ADGRL3: variants seen among roughly 807,000 people sequenced by gnomAD.
The protein encoded by ADGRL3 is adhesion G protein-coupled receptor L3.
A neutral mutation model predicts 153.5 loss-of-function variants in ADGRL3; 62 were observed. The ratio of observed to expected loss-of-function variants is 0.40; its 90% CI spans 0.33 to 0.50. The LOEUF (loss-of-function observed/expected upper bound fraction) is 0.50. Among genes scored for constraint, ADGRL3 ranks in the 20% least tolerant of loss-of-function variants. The pLI is 0.47. For missense variants in ADGRL3, 1,641 were observed against 1,859.4 expected (o/e 0.88, Z 2.16); for synonymous variants, 710 against 672.5 (o/e 1.06, Z -0.86).
intron 9 of ADGRL3, among the ~76,000 whole-genome samples, chr4:61,831,029 C>T (rs1039793454): frequency 1.8e-4 from 27 of 152,088 alleles, no homozygotes; most frequent in Admixed American, 3.3e-4. Flanking sequence ...GCTGGGATTA[C>T]AGGCACCTGC....
At chr4:61,927,893 A>G (rs1214423904) in intron 13 of ADGRL3, among the ~76,000 whole-genome samples, 1 of 151,918 alleles carries the variant, frequency 6.6e-6, no homozygotes, top group Non-Finnish European at 1.5e-5. Context: ...TACTATTTTC[A>G]TCTGTCTATC....
chr4:61,439,464 A>G (rs953909952), intron 2 of ADGRL3, among the ~76,000 whole-genome samples: 5 of 152,174 alleles, frequency 3.3e-5, no homozygotes, highest in Non-Finnish European at 5.9e-5. Context: ...TGATGTTTTT[A>G]TTATTATACG....
chr4:61,930,740 T>C (rs1246636838), intron 13 of ADGRL3, among the ~76,000 whole-genome samples: 2 of 152,104 alleles, frequency 1.3e-5, no homozygotes, highest in African/African-American at 4.8e-5. Flanking sequence ...GACTTTTGGC[T>C]CTTTCCCATT....
Position 61,642,373 on chromosome 4 carries a change from C to T in ADGRL3, c.474-34453C>T, listed in dbSNP as rs2093722429. Among the ~76,000 whole-genome samples, 8 of 152,122 alleles carry T rather than the reference C, an allele frequency of 5.3e-5. No individual in the cohort carries two copies. The South Asian group carries it at 1.7e-3, about 32-fold the overall frequency. ...ATGAAGTCCTTGCCCATGCCTATGT[C>T]CTGAATGGTAATGCCTAGGTTTTCT... On this transcript the variant is annotated intron_variant, in intron 5 of 26. Transcript: ENST00000683033.
intron 4 of ADGRL3, among the ~76,000 whole-genome samples, chr4:61,564,518 C>T (rs72614740): frequency 0.036 from 5,451 of 152,284 alleles, 237 homozygotes; most frequent in East Asian, 0.25. Flanking sequence ...AGCAGTCTGG[C>T]TGCTTTGGCC....
chr4:61,745,372 C>A (rs1561166614), intron 8 of ADGRL3, among the ~76,000 whole-genome samples: 1 of 152,066 alleles, frequency 6.6e-6, no homozygotes, highest in Non-Finnish European at 1.5e-5. Context: ...CACAAAGATA[C>A]TCCTCGAGAA....
At chr4:62,058,460 T>C (rs1235339129) in intron 25 of ADGRL3, among the ~76,000 whole-genome samples, 4 of 152,164 alleles carry the variant, frequency 2.6e-5, no homozygotes, top group Non-Finnish European at 5.9e-5. Context: ...TTCACGTACA[T>C]TTTTCATTAC....
intron 3 of ADGRL3, among the ~76,000 whole-genome samples, chr4:61,497,603 T>C (rs541395275): frequency 3.0e-4 from 45 of 150,030 alleles, no homozygotes; most frequent in Non-Finnish European, 2.8e-4. Flanking sequence ...GCAACCTCTG[T>C]CTCCTGGGTT....
At chr4:61,568,686 T>G (rs1258483228) in intron 4 of ADGRL3, among the ~76,000 whole-genome samples, 1 of 152,174 alleles carries the variant, frequency 6.6e-6, no homozygotes, top group East Asian at 1.9e-4. Flanking sequence ...TGGTCTTTTT[T>G]TCAGTCTTCA....
In ADGRL3 at chr4:61,288,718, T is replaced by C. The variant is rs184309046; in HGVS notation, c.-240+86953T>C. 2.6e-3 allele frequency among the ~76,000 whole-genome samples: 395 copies of C among 152,124 alleles called. 2 individuals carry two copies. Among genetic ancestry groups the C allele is most frequent in the Admixed American group, 4.9e-3 (75 of 15,234 alleles). On this transcript the variant is annotated intron_variant, in intron 1 of 26. Coordinates refer to ENST00000683033, the MANE Select transcript of ADGRL3 (RefSeq NM_001387552.1). ...ATGGCCAATGTTTCCCAAAACTGTT[T>C]AAAGTAAATAAGAGATAGCTCCCTT...
At chr4:61,637,277 G>A (rs187486311) in intron 5 of ADGRL3, among the ~76,000 whole-genome samples, 8 of 152,212 alleles carry the variant, frequency 5.3e-5, no homozygotes, top group Non-Finnish European at 1.2e-4. Flanking sequence ...ACACAGGCAT[G>A]CACACACACA....
chr4:61,346,021 G>A (rs1029829760), intron 1 of ADGRL3, among the ~76,000 whole-genome samples: 7 of 152,076 alleles, frequency 4.6e-5, no homozygotes, highest in Non-Finnish European at 1.0e-4. Context: ...TAGTACATTC[G>A]AGGCCCAGCT....
intron 3 of ADGRL3, among the ~76,000 whole-genome samples, chr4:61,507,944 G>A (rs1029204546): frequency 6.6e-5 from 10 of 152,090 alleles, no homozygotes; most frequent in African/African-American, 2.4e-4. Flanking sequence ...CATTCTGAAA[G>A]TATAGTTGCC....
At chr4:62,008,708 T>C (rs1349388884) in intron 21 of ADGRL3, among the ~76,000 whole-genome samples, 2 of 151,452 alleles carry the variant, frequency 1.3e-5, no homozygotes, top group African/African-American at 2.4e-5. Context: ...AATCTATTTA[T>C]ATCTATATGT....
At chr4:61,976,661 A>G (rs2099049192) in intron 17 of ADGRL3, among the ~76,000 whole-genome samples, 1 of 152,138 alleles carries the variant, frequency 6.6e-6, no homozygotes, top group Non-Finnish European at 1.5e-5. Context: ...ATTAAGTCTC[A>G]TGAGATCTGA....
At chr4:61,728,613 A>G (rs1208451043) in intron 6 of ADGRL3, among the ~76,000 whole-genome samples, 1 of 152,098 alleles carries the variant, frequency 6.6e-6, no homozygotes, top group African/African-American at 2.4e-5. Context: ...CTAAAGTTCC[A>G]TGAACGAGCA....
At chr4:61,549,792 A>G (rs1256597438) in intron 4 of ADGRL3, among the ~76,000 whole-genome samples, 1 of 152,038 alleles carries the variant, frequency 6.6e-6, no homozygotes. Context: ...AACTAAATTA[A>G]TATAACTTCC....
At position 61,647,891 on chromosome 4, in the gene ADGRL3, A is replaced by G. The variant is rs556507195; in HGVS notation, c.474-28935A>G. On this transcript the variant is annotated intron_variant, in intron 5 of 26. Transcript: ENST00000683033. ...GGCCTCTCAGATATTGGATATTACT[A>G]TATTTAAAAGGAAGATTGTAAACTT... Among the ~76,000 whole-genome samples the G allele has an allele frequency of 3.6e-4, 55 of 152,124 alleles. 1 individual carries two copies. The highest frequency in any genetic ancestry group is 1.2e-3 in the South Asian group (6 of 4,824).
chr4:61,382,248 T>C (rs1329913024), intron 1 of ADGRL3, among the ~76,000 whole-genome samples: 1 of 151,312 alleles, frequency 6.6e-6, no homozygotes, highest in Non-Finnish European at 1.5e-5. Context: ...CATAAATAAA[T>C]ACTAAATATA....
Sources: allele counts gnomAD v4.1 joint callset (sites outside exome capture counted in the v4.1 genomes callset), GRCh38; gene constraint gnomAD v4.1.1; transcripts MANE v1.5; gene names NCBI Gene and HGNC (gene_info 2026-07-23, HGNC 2026-07-21).